Variants in NCOA7 observed in about 807,000 individuals in gnomAD.
The protein encoded by NCOA7 is 140 kDa estrogen receptor-associated protein.
Under a neutral mutation model 104.3 loss-of-function variants are expected in NCOA7, and 45 were observed. The observed-to-expected ratio is 0.43, with a 90% CI of 0.34 to 0.55. The LOEUF (loss-of-function observed/expected upper bound fraction) is 0.55, where lower values mean the gene tolerates loss of function less well. Among genes scored for constraint, NCOA7 ranks in the 20% least tolerant of loss-of-function variants. NCOA7 has a pLI of 0.02. For synonymous variants in NCOA7, 398 were observed against 402.3 expected (o/e 0.99, Z 0.13); for missense variants, 1,041 against 1,119.7 (o/e 0.93, Z 1.00).
chr6:125,855,123 C>T lies in NCOA7; in HGVS notation c.154C>T (p.Pro52Ser), dbSNP rs1378108922. The T allele has an allele frequency of 6.2e-7, 1 of 1,612,506 alleles. No individual in the cohort carries two copies. The highest frequency in any genetic ancestry group is 8.5e-7 in the Non-Finnish European group (1 of 1,179,616). The stretch of plus-strand genomic sequence containing the variant: ...AGATAATAATACAGTAGTTTTAGAG[C>T]CAGACAAGTGCAACATTGCTGTGGA... ...KEDNNTVVLE[P>S]DKCNIAVEEE... Residue 52 changes from proline to serine, a missense_variant, in exon 3 of 16, where the codon CCA becomes TCA. Physicochemically the swap from Pro to Ser is moderately conservative, Grantham distance 74. This residue lies in a region of NCOA7 where 914 missense variants were observed against 942.7 expected (regional missense o/e 0.97). Transcript: ENST00000392477.
intron 10 of NCOA7, among the ~76,000 whole-genome samples, chr6:125,897,054 T>C (rs1363272028): frequency 6.6e-6 from 1 of 152,240 alleles, no homozygotes; most frequent in East Asian, 1.9e-4. Context: ...AGTCTCACTA[T>C]CTCATTATAA....
intron 3 of NCOA7, among the ~76,000 whole-genome samples, chr6:125,858,358 T>C (rs527955572): frequency 6.6e-6 from 1 of 152,166 alleles, no homozygotes; most frequent in Admixed American, 6.5e-5. Flanking sequence ...TAAAGAAATG[T>C]GGCCAGGCTC....
intron 2 of NCOA7, among the ~76,000 whole-genome samples, chr6:125,832,125 A>T (rs1779243683): frequency 6.6e-6 from 1 of 152,116 alleles, no homozygotes; most frequent in South Asian, 2.1e-4. Context: ...CTCCCTTTTG[A>T]TTGACAGTTA....
chr6:125,784,937 C>T (rs1774387830), intron 1 of NCOA7, among the ~76,000 whole-genome samples: 1 of 151,822 alleles, frequency 6.6e-6, no homozygotes, highest in Admixed American at 6.6e-5. Flanking sequence ...ATGGTGATAG[C>T]TCTGTATTTT....
intron 1 of NCOA7, chr6:125,810,282 G>T (rs1352683239): frequency 2.0e-5 from 3 of 152,160 alleles, no homozygotes; most frequent in South Asian, 2.1e-4. Flanking sequence ...GGTGCCATGT[G>T]TACAAACAAG....
chr6:125,810,919 A>G (rs1776939965), intron 1 of NCOA7, among the ~76,000 whole-genome samples: 2 of 152,230 alleles, frequency 1.3e-5, no homozygotes, highest in Non-Finnish European at 2.9e-5. Flanking sequence ...GATGTCAACT[A>G]TTGGATCATT....
At chr6:125,867,718 T>C (rs1157921634) in intron 3 of NCOA7, among the ~76,000 whole-genome samples, 1 of 152,242 alleles carries the variant, frequency 6.6e-6, no homozygotes, top group Non-Finnish European at 1.5e-5. Context: ...TGTTGTAATT[T>C]AGTGCATACC....
chr6:125,924,323 G>A (rs2128700371), intron 13 of NCOA7, among the ~76,000 whole-genome samples: 1 of 152,308 alleles, frequency 6.6e-6, no homozygotes, highest in South Asian at 2.1e-4. Flanking sequence ...ATTTGTAAAG[G>A]AGGCCTACAA....
chr6:125,817,099 T>C (rs1046199153), intron 2 of NCOA7, among the ~76,000 whole-genome samples: 9 of 152,260 alleles, frequency 5.9e-5, no homozygotes, highest in Non-Finnish European at 1.0e-4. Flanking sequence ...AGTTTGTTCC[T>C]TTTTATTGCA....
chr6:125,886,299 C>G (rs1023018620), intron 8 of NCOA7, among the ~76,000 whole-genome samples: 3 of 152,088 alleles, frequency 2.0e-5, no homozygotes, highest in Non-Finnish European at 4.4e-5. Context: ...AAGATATCAC[C>G]AGAACATGGG....
Position 125,928,658 on chromosome 6 carries a change from G to C in NCOA7, c.2716G>C (p.Asp906His). 2 of 1,609,404 alleles carry C rather than the reference G, an allele frequency of 1.2e-6. No homozygotes were observed. The highest frequency in any genetic ancestry group is 1.7e-6 in the Non-Finnish European group (2 of 1,178,512). ...CAGGGGACGATTTGGTTTATGGCTAGATGCTGATTTATACCACGGACGAAG... is the reference window on the plus strand; with the variant it reads ...CAGGGGACGATTTGGTTTATGGCTACATGCTGATTTATACCACGGACGAAG... ...GGGGRFGLWL[D>H]ADLYHGRSNS... Residue 906 changes from aspartate (D) to histidine (H), a missense_variant, in exon 16 of 16, where the codon GAT (aspartate) becomes CAT (histidine). This residue lies in a region of NCOA7 where 127 missense variants were observed against 177.0 expected (regional missense o/e 0.72). Transcript: ENST00000392477.
At chr6:125,859,785 G>C (rs1420051892) in intron 3 of NCOA7, among the ~76,000 whole-genome samples, 1 of 152,116 alleles carries the variant, frequency 6.6e-6, no homozygotes, top group East Asian at 1.9e-4. Flanking sequence ...ATAAAATAAT[G>C]TTTTTACTTG....
chr6:125,916,487 A>G (rs1037697912), intron 11 of NCOA7, among the ~76,000 whole-genome samples: 5 of 152,220 alleles, frequency 3.3e-5, no homozygotes, highest in Admixed American at 6.5e-5. Flanking sequence ...GATGGATAAC[A>G]TAGGCTCTCA....
intron 1 of NCOA7, among the ~76,000 whole-genome samples, chr6:125,802,769 C>A (rs1244478537): frequency 6.6e-6 from 1 of 152,168 alleles, no homozygotes; most frequent in Non-Finnish European, 1.5e-5. Flanking sequence ...ACTCAATAAA[C>A]CTTAAAAAGA....
At chr6:125,839,682 A>C (rs519921) in intron 2 of NCOA7, among the ~76,000 whole-genome samples, 122,205 of 151,968 alleles carry the variant, frequency 0.8, 49,285 homozygotes, top group Admixed American at 0.88. Context: ...CAAATACAGT[A>C]ATGTTCCACA....
In NCOA7 at chr6:125,817,941, G is replaced by C. The variant is rs114792833; in HGVS notation, c.50+2537G>C. ...TATTTGTGGATAAGATATGAGTTTA[G>C]GTCAAAATGGTGGTCATGCTTCTCC... On this transcript the variant is annotated intron_variant, in intron 2 of 15. Transcript: ENST00000392477. Among the ~76,000 whole-genome samples, 807 of 151,932 alleles carry C rather than the reference G, an allele frequency of 5.3e-3. 7 individuals carry two copies. The highest frequency in any genetic ancestry group is 0.018 in the African/African-American group (761 of 41,438).
At chr6:125,928,573 A>G in intron 15 of NCOA7, 63 bp from the exon 16 acceptor site, 1 of 1,539,124 alleles carries the variant, frequency 6.5e-7, no homozygotes, top group Non-Finnish European at 8.7e-7. Context: ...GGGGCAAGAG[A>G]GAATAGTGTG....
At chr6:125,815,139 A>G (rs1777467153) in intron 1 of NCOA7, 152 bp from the exon 2 acceptor site, 2 of 371,160 alleles carry the variant, frequency 5.4e-6, no homozygotes, top group Middle Eastern at 6.8e-4. Context: ...TCCCATGGAC[A>G]TTTGCATTTC....
At position 125,872,182 on chromosome 6, in the gene NCOA7, A is replaced by C. The variant is rs548649095; in HGVS notation, c.272-2707A>C. Among the ~76,000 whole-genome samples, 13 of 152,244 alleles carry C rather than the reference A, an allele frequency of 8.5e-5. 1 individual carries two copies. In the South Asian group the frequency reaches 2.7e-3, roughly 32 times the overall value. ...TTTTCTAGCCTACCCACCTGTGGCA[A>C]AGGAAGGTAATTTAATTTTTGTACT... On this transcript the variant is annotated intron_variant, in intron 3 of 15. Coordinates refer to ENST00000392477, the MANE Select transcript of NCOA7 (RefSeq NM_181782.5).
Sources: gnomAD v4.1 joint callset for allele counts (sites outside exome capture counted in the v4.1 genomes callset) on GRCh38, gnomAD v4.1.1 for gene constraint, gnomAD v4.1.1 regional missense constraint, MANE v1.5 for transcripts, NCBI Gene and HGNC (gene_info 2026-07-23, HGNC 2026-07-21) for gene names.